Variants in MYORG observed in about 807,000 individuals in gnomAD.
MYORG encodes the protein alpha-galactosidase MYORG.
A neutral mutation model predicts 49.8 loss-of-function variants in MYORG; 45 were observed. The observed-to-expected ratio is 0.90, with a 90% CI of 0.71 to 1.16. The LOEUF (loss-of-function observed/expected upper bound fraction) is 1.16, where lower values mean the gene tolerates loss of function less well. MYORG is among the 50% of genes most tolerant of loss of function. The probability of loss-of-function intolerance (pLI) is 0.00; values close to 1 mark genes in which losing one functional copy is unlikely to be tolerated. For missense variants in MYORG, 1,110 were observed against 1,026.5 expected, an observed-to-expected ratio of 1.08 and a Z score of -1.11; for synonymous variants, 552 against 462.9, an observed-to-expected ratio of 1.19 and a Z score of -2.47.
In MYORG at chr9:34,373,996, C is replaced by T. The variant is rs577970309; in HGVS notation, c.-63-990G>A. Among the ~76,000 whole-genome samples, 5 of 152,318 alleles carry T rather than the reference C, an allele frequency of 3.3e-5. No homozygotes were observed. In the East Asian group the frequency reaches 9.6e-4, roughly 29 times the overall value. ...GCCTGGCATGGGGGGCCAGTTGTTTCTCACATCTGCTTCTCTTTGCCCTCA... is the reference window on the plus strand; with the variant it reads ...GCCTGGCATGGGGGGCCAGTTGTTTTTCACATCTGCTTCTCTTTGCCCTCA... On this transcript the variant is annotated intron_variant, in intron 1 of 1. Coordinates refer to ENST00000297625, the MANE Select transcript of MYORG (RefSeq NM_020702.5).
chr9:34,370,475 T>C lies in MYORG; in HGVS notation c.*324A>G, dbSNP rs534956170. The C allele has an allele frequency of 3.5e-4, 94 of 265,198 alleles. No homozygotes were observed. The highest frequency in any genetic ancestry group is 5.4e-4 in the Non-Finnish European group (75 of 139,304). The allele number at this position is 265,198 out of a possible 1,614,324, so 16.4% of individuals were successfully genotyped here. On this transcript the variant is annotated 3_prime_UTR_variant, in exon 2 of 2. Transcript: ENST00000297625. ...TGTGCTTTTAAACCCCAACCATGTATAACCATGTATAACAGGAAGAGAGCT... is the reference window on the plus strand; with the variant it reads ...TGTGCTTTTAAACCCCAACCATGTACAACCATGTATAACAGGAAGAGAGCT...
chr9:34,370,529 C>T lies in MYORG; in HGVS notation c.*270G>A. 2 of 433,364 alleles carry T rather than the reference C, an allele frequency of 4.6e-6. No homozygotes were observed. Among genetic ancestry groups the T allele is most frequent in the Non-Finnish European group, 7.9e-6 (2 of 251,580 alleles). The allele number at this position is 433,364 out of a possible 1,614,324, so 26.8% of individuals were successfully genotyped here. A position where few individuals can be genotyped will look rare whatever the true frequency, so the allele number is the denominator to read the frequency against. On this transcript the variant is annotated 3_prime_UTR_variant, in exon 2 of 2. Coordinates refer to ENST00000297625, the MANE Select transcript of MYORG (RefSeq NM_020702.5). ...CTTTTTCCTCTAAGCTCTCTGGCTTCCACCCCAGGGAAGAGGTTTCTGCAG... is the reference window on the plus strand; with the variant it reads ...CTTTTTCCTCTAAGCTCTCTGGCTTTCACCCCAGGGAAGAGGTTTCTGCAG...
In MYORG at chr9:34,376,269, C is replaced by T. The variant is rs140300598; in HGVS notation, c.-64+524G>A. Among the ~76,000 whole-genome samples, 287 of 152,272 alleles carry T rather than the reference C, an allele frequency of 1.9e-3. No homozygotes were observed. The highest frequency in any genetic ancestry group is 3.4e-3 in the Middle Eastern group (1 of 294). ...CTTTGGGGGAGGAAGTCTGTGGTTC[C>T]GGTGTTAACAGTGGTGCCAGAGACC... On this transcript the variant is annotated intron_variant, in intron 1 of 1. Transcript: ENST00000297625. This position sits in a 1 kb window ranked among gnomAD's most constrained non-coding sequence, Gnocchi z 4.4.
In MYORG at chr9:34,371,188, C is replaced by A. The variant is rs376952902; in HGVS notation, c.1756G>T (p.Ala586Ser). ...RWLEVAAFMP[A>S]MQFSIPPWRY... ...CAGGGCGGGATAGAGAACTGCATGG[C>A]CGGCATAAAGGCGGCCACTTCCAGC... The change falls in exon 2 of 2, where the codon GCC becomes TCC. Residue 586 changes from alanine (A) to serine (S), a missense_variant. By Grantham distance (99) the Ala-to-Ser change is moderately conservative. Coordinates refer to ENST00000297625, the MANE Select transcript of MYORG (RefSeq NM_020702.5). 2 of 1,610,318 alleles carry A rather than the reference C, an allele frequency of 1.2e-6. No individual in the cohort carries two copies. Among genetic ancestry groups the A allele is most frequent in the Admixed American group, 1.7e-5 (1 of 59,782 alleles).
Position 34,368,952 on chromosome 9 carries a change from G to A in MYORG, c.*1847C>T, listed in dbSNP as rs1305826654. 2 of 152,202 alleles carry A rather than the reference G, an allele frequency of 1.3e-5. No homozygotes were observed. Among genetic ancestry groups the A allele is most frequent in the Admixed American group, 6.5e-5 (1 of 15,276 alleles). The allele number at this position is 152,202 out of a possible 1,614,324, so 9.4% of individuals were successfully genotyped here. On this transcript the variant is annotated 3_prime_UTR_variant, in exon 2 of 2. Coordinates refer to ENST00000297625, the MANE Select transcript of MYORG (RefSeq NM_020702.5). The stretch of plus-strand genomic sequence containing the variant: ...AGGTTTAATGAACTCACAGCTCCAC[G>A]TGGCTGGGGAGGCCTCACAAGCATG...
rs762961893 is a variant in MYORG, at chr9:34,371,666, C to G, written c.1278G>C (p.Trp426Cys). 6.2e-7 allele frequency: 1 copy of G among 1,607,588 alleles called. No individual in the cohort carries two copies. The highest frequency in any genetic ancestry group is 8.5e-7 in the Non-Finnish European group (1 of 1,177,008). ...TGRLPALVRWWNGIGAVLDFT... is the reference protein window; with the variant it reads ...TGRLPALVRWCNGIGAVLDFT... ...AGTCTAGCACCGCGCCGATGCCGTT[C>G]CACCAGCGCACCAGCGCAGGTAACC... The change falls in exon 2 of 2, where the codon TGG becomes TGC. Residue 426 changes from tryptophan (W) to cysteine (C), a missense_variant. By Grantham distance (215) the Trp-to-Cys change is radical. Coordinates refer to ENST00000297625, the MANE Select transcript of MYORG (RefSeq NM_020702.5).
At position 34,370,462 on chromosome 9, in the gene MYORG, C is replaced by T. The variant is rs570650594; in HGVS notation, c.*337G>A. The T allele has an allele frequency of 2.2e-4, 50 of 226,924 alleles. No individual in the cohort carries two copies. In the Middle Eastern group the frequency reaches 8.8e-3, roughly 40 times the overall value. 14.1% of individuals were successfully genotyped at this position (226,924 alleles called of 1,614,324 possible). A position where few individuals can be genotyped will look rare whatever the true frequency, so the allele number is the denominator to read the frequency against. On this transcript the variant is annotated 3_prime_UTR_variant, in exon 2 of 2. Transcript: ENST00000297625. Reference sequence around the variant, plus strand: ...GGAGGTTTCTCTTTGTGCTTTTAAACCCCAACCATGTATAACCATGTATAA... The same window carrying T: ...GGAGGTTTCTCTTTGTGCTTTTAAATCCCAACCATGTATAACCATGTATAA...
chr9:34,372,317 G>C lies in MYORG; in HGVS notation c.627C>G (p.Phe209Leu), dbSNP rs1370914064. The C allele has an allele frequency of 2.5e-6, 4 of 1,607,600 alleles. No individual in the cohort carries two copies. The African/African-American group carries it at 4.0e-5, about 16-fold the overall frequency. The change falls in exon 2 of 2, where the codon TTC (phenylalanine) becomes TTG (leucine). Residue 209 changes from phenylalanine (F) to leucine (L), a missense_variant. Phe to Leu is a conservative substitution (Grantham distance 22). Transcript: ENST00000297625. ...RLDGQQEPQPFVTSDVYSSDA... is the reference protein window; with the variant it reads ...RLDGQQEPQPLVTSDVYSSDA... ...CGGAGGAGTAGACATCGCTGGTGAC[G>C]AACGGCTGGGGCTCCTGCTGGCCAT...
In MYORG at chr9:34,371,016, C is replaced by T. The variant is rs1820582349; in HGVS notation, c.1928G>A (p.Gly643Asp). 1 of 1,613,234 alleles carries T rather than the reference C, an allele frequency of 6.2e-7. No homozygotes were observed. Among genetic ancestry groups the T allele is most frequent in the Non-Finnish European group, 8.5e-7 (1 of 1,179,876 alleles). Residue 643 changes from glycine (G) to aspartate (D), a missense_variant, in exon 2 of 2, where the codon GGC becomes GAC. By Grantham distance (94) the Gly-to-Asp change is moderately conservative. Coordinates refer to ENST00000297625, the MANE Select transcript of MYORG (RefSeq NM_020702.5). ...GTCGATACGGTGAGCTGTCTCGTCG[C>T]CGGGCGCAATCCACCAAAGGGGGCG... ...IVRPLWWIAP[G>D]DETAHRIDSQ...
chr9:34,375,431 C>T (rs1820703565), intron 1 of MYORG, among the ~76,000 whole-genome samples: 1 of 152,210 alleles, frequency 6.6e-6, no homozygotes, highest in Admixed American at 6.5e-5. Flanking sequence ...CTTTCCTCCC[C>T]ATTCCTATAT....
Position 34,371,227 on chromosome 9 carries a change from G to A in MYORG, c.1717C>T (p.Leu573Phe), listed in dbSNP as rs778141098. The change falls in exon 2 of 2, where the codon CTC (leucine) becomes TTC (phenylalanine). Residue 573 changes from leucine to phenylalanine, a missense_variant. Physicochemically the swap from Leu to Phe is conservative, Grantham distance 22 (BLOSUM62 0). Coordinates refer to ENST00000297625, the MANE Select transcript of MYORG (RefSeq NM_020702.5). ...GCCACTTCCAGCCAGCGAATGTAGA[G>A]CTCGCGCTCGGGCACATCGCCGCCG... ...TAGGDVPERE[L>F]YIRWLEVAAF... The A allele has an allele frequency of 6.2e-7, 1 of 1,609,516 alleles. No individual in the cohort carries two copies. The highest frequency in any genetic ancestry group is 1.1e-5 in the South Asian group (1 of 90,616).
chr9:34,371,917 G>A lies in MYORG; in HGVS notation c.1027C>T (p.His343Tyr), dbSNP rs1264753071. Residue 343 changes from histidine (H) to tyrosine (Y), a missense_variant, in exon 2 of 2, where the codon CAC becomes TAC. Physicochemically the swap from His to Tyr is moderately conservative, Grantham distance 83 (BLOSUM62 2). Coordinates refer to ENST00000297625, the MANE Select transcript of MYORG (RefSeq NM_020702.5). ...VLRFAQQIRL[H>Y]HFNSSHLEID... ...TCCAGGTGGCTGCTGTTGAAGTGGT[G>A]CAGGCGGATCTGTTGGGCAAAACGC... is the stretch of plus-strand genomic sequence containing the variant. The A allele has an allele frequency of 3.1e-6, 5 of 1,614,064 alleles. No homozygotes were observed. The highest frequency in any genetic ancestry group is 4.2e-6 in the Non-Finnish European group (5 of 1,179,892).
chr9:34,373,484 T>C (rs4879783), intron 1 of MYORG, among the ~76,000 whole-genome samples: 114,767 of 151,866 alleles, frequency 0.76, 43,882 homozygotes, highest in East Asian at 0.94. Flanking sequence ...ATGGAGTCTC[T>C]CTCTGTCACC....
rs898888467 is a variant in MYORG, at chr9:34,372,914, C to T, written c.30G>A (p.Gln10=). 4 of 1,613,732 alleles carry T rather than the reference C, an allele frequency of 2.5e-6. No homozygotes were observed. The African/African-American group carries it at 5.3e-5, about 22-fold the overall frequency. The change falls in exon 2 of 2, where the codon CAG becomes CAA. Residue 10 remains glutamine (Q), a synonymous_variant. Transcript: ENST00000297625. ...CAGGCCGGCGGCGGCGGGGGTAGGC[C>T]TGGCTCTTCTCCTGAGGGTTCTGGA... The part of the protein sequence containing the change: MLQNPQEKS[Q]AYPRRRRPGC...
At position 34,372,746 on chromosome 9, in the gene MYORG, C is replaced by G. The variant is rs954603951; in HGVS notation, c.198G>C (p.Leu66=). Residue 66 remains leucine, a synonymous_variant, in exon 2 of 2, where the codon CTG becomes CTC. Coordinates refer to ENST00000297625, the MANE Select transcript of MYORG (RefSeq NM_020702.5). ...PLLGSAVLGL[L]LVLAAVVAWC... is the part of the protein sequence containing the mutation. ...AGGCCACCACCGCGGCCAGCACAAG[C>G]AGCAGCCCCAGAACCGCGGAGCCCA... is the stretch of plus-strand genomic sequence containing the variant. 6.2e-7 allele frequency: 1 copy of G among 1,613,770 alleles called. No homozygotes were observed. Among genetic ancestry groups the G allele is most frequent in the South Asian group, 1.1e-5 (1 of 91,080 alleles).
chr9:34,370,895 G>T lies in MYORG; in HGVS notation c.2049C>A (p.Arg683=). 6.2e-7 allele frequency: 1 copy of T among 1,613,376 alleles called. No homozygotes were observed. The highest frequency in any genetic ancestry group is 8.5e-7 in the Non-Finnish European group (1 of 1,179,520). Residue 683 remains arginine, a synonymous_variant, in exon 2 of 2, where the codon CGC becomes CGA. Transcript: ENST00000297625. ...RDVYLPAGKW[R]SYKGELFDKT... ...TGTCGAAAAGCTCACCCTTGTAGCT[G>T]CGCCACTTGCCGGCGGGCAAATAGA... is the stretch of plus-strand genomic sequence containing the variant.
At chr9:34,374,769 G>T (rs1588006643) in intron 1 of MYORG, among the ~76,000 whole-genome samples, 2 of 151,950 alleles carry the variant, frequency 1.3e-5, no homozygotes, top group East Asian at 3.9e-4. Flanking sequence ...AGGCATGGTG[G>T]TGTGCACCTG....
rs748847692 is a variant in MYORG at position 34,372,864 on chromosome 9, G to C, written c.80C>G (p.Pro27Arg). Residue 27 changes from proline to arginine, a missense_variant, in exon 2 of 2, where the codon CCC becomes CGC. Physicochemically the swap from Pro to Arg is moderately radical, Grantham distance 103 (BLOSUM62 -2). Transcript: ENST00000297625. ...CATAGCTGCGGCTGCGATGGCCTCG[G>C]GGTTCTGACGGTATGCGTAGCAGCC... ...RPGCYAYRQN[P>R]EAIAAAAMYT... 1.3e-5 allele frequency: 21 copies of C among 1,614,026 alleles called. No individual in the cohort carries two copies. In the South Asian group the frequency reaches 2.2e-4, roughly 17 times the overall value.
At position 34,370,887 on chromosome 9, in the gene MYORG, T is replaced by C; in HGVS notation, c.2057A>G (p.Lys686Arg). 1.2e-6 allele frequency: 2 copies of C among 1,613,276 alleles called. No individual in the cohort carries two copies. Among genetic ancestry groups the C allele is most frequent in the South Asian group, 1.1e-5 (1 of 91,046 alleles). The stretch of plus-strand genomic sequence containing the variant: ...CGGCGTCTTGTCGAAAAGCTCACCC[T>C]TGTAGCTGCGCCACTTGCCGGCGGG... Reference protein sequence around the residue: ...YLPAGKWRSYKGELFDKTPVL... With the variant: ...YLPAGKWRSYRGELFDKTPVL... The change falls in exon 2 of 2, where the codon AAG becomes AGG. Residue 686 changes from lysine to arginine, a missense_variant. Physicochemically the swap from Lys to Arg is conservative, Grantham distance 26 (BLOSUM62 2). Coordinates refer to ENST00000297625, the MANE Select transcript of MYORG (RefSeq NM_020702.5).
Sources: allele counts gnomAD v4.1 joint callset (sites outside exome capture counted in the v4.1 genomes callset), GRCh38; gene constraint gnomAD v4.1.1; non-coding constraint Gnocchi (gnomAD v3.1); transcripts MANE v1.5; gene names NCBI Gene and HGNC (gene_info 2026-07-23, HGNC 2026-07-21).